PARN: variants seen among roughly 807,000 people sequenced by gnomAD.
The protein encoded by PARN is poly(A)-specific ribonuclease PARN.
PARN carries 71 observed loss-of-function variants against 102.8 expected under a neutral mutation model. That is an observed-to-expected ratio of 0.69 (90% CI 0.57 to 0.84). The LOEUF (loss-of-function observed/expected upper bound fraction) is 0.84. Among genes scored for constraint, PARN ranks in the 40% least tolerant of loss-of-function variants. The pLI is 0.00. For missense variants in PARN, 782 were observed against 760.9 expected (o/e 1.03, Z -0.33); for synonymous variants, 261 against 252.9 (o/e 1.03, Z -0.30).
At chr16:14,583,824 G>C (rs894363986) in intron 16 of PARN, among the ~76,000 whole-genome samples, 2 of 152,098 alleles carry the variant, frequency 1.3e-5, no homozygotes, top group Non-Finnish European at 2.9e-5. Context: ...GGTGGCCCGA[G>C]GTGGCAAAAC....
chr16:14,444,553 G>C (rs994343437), intron 23 of PARN, among the ~76,000 whole-genome samples: 1 of 152,064 alleles, frequency 6.6e-6, no homozygotes, highest in African/African-American at 2.4e-5. Flanking sequence ...ATATTTTTCA[G>C]ATTATGCTGA....
chr16:14,478,101 A>T (rs930190168), intron 22 of PARN, among the ~76,000 whole-genome samples: 4 of 152,124 alleles, frequency 2.6e-5, no homozygotes, highest in Non-Finnish European at 4.4e-5. Flanking sequence ...GGATCTCTTG[A>T]GGTCAAAGGT....
intron 22 of PARN, among the ~76,000 whole-genome samples, chr16:14,448,915 TG>T (rs920870653): frequency 6.6e-6 from 1 of 152,134 alleles, no homozygotes; most frequent in African/African-American, 2.4e-5. Flanking sequence ...GTTTCGGCAG[TG>T]GGGGGTGGCT....
At position 14,447,339 on chromosome 16, in the gene PARN, G is replaced by A. The variant is rs113732329; in HGVS notation, c.1671-258C>T. On this transcript the variant is annotated intron_variant, in intron 22 of 23. Coordinates refer to ENST00000437198, the MANE Select transcript of PARN (RefSeq NM_002582.4). ...TACACAAATTTAAGCTGATCCGAGT[G>A]CTCAAGAACAAATCCGTAAAGTAGC... is the stretch of plus-strand genomic sequence containing the variant. 8.0e-3 allele frequency among the ~76,000 whole-genome samples: 1,223 copies of A among 152,302 alleles called. 10 individuals carry two copies. The highest frequency in any genetic ancestry group is 0.013 in the Non-Finnish European group (893 of 68,010).
chr16:14,591,390 T>TAAA (rs11352789), intron 13 of PARN, among the ~76,000 whole-genome samples: 1 of 139,068 alleles, frequency 7.2e-6, no homozygotes, highest in East Asian at 2.1e-4. Context: ...ACTCCATCTC[T>TAAA]AAAAAAAAAA....
chr16:14,592,900 G>A (rs1970278988), intron 13 of PARN, among the ~76,000 whole-genome samples: 3 of 152,210 alleles, frequency 2.0e-5, no homozygotes. Flanking sequence ...CACTATGGGA[G>A]GCTAAGGCAG....
chr16:14,554,092 C>T lies in PARN; in HGVS notation c.1378G>A (p.Asp460Asn), dbSNP rs747006604. The part of the protein sequence containing the change: ...VTFPKEWKTS[D>N]LYQLFSAFGN... ...AAGGCACTGAAAAGCTGGTAAAGGT[C>T]GCTGGTTTTCCATTCTTTGGGGAAT... Residue 460 changes from aspartate to asparagine, a missense_variant, in exon 20 of 24, where the codon GAC becomes AAC. Transcript: ENST00000437198. 10 of 1,612,902 alleles carry T rather than the reference C, an allele frequency of 6.2e-6. No homozygotes were observed. In the South Asian group the frequency reaches 8.8e-5, roughly 14 times the overall value.
chr16:14,440,830 A>G (rs1960910380), intron 23 of PARN, among the ~76,000 whole-genome samples: 2 of 152,320 alleles, frequency 1.3e-5, no homozygotes, highest in African/African-American at 2.4e-5. Flanking sequence ...AAGAAGACCA[A>G]TGGCTGCTGG....
At chr16:14,448,267 G>T (rs1163052402) in intron 22 of PARN, among the ~76,000 whole-genome samples, 1 of 152,148 alleles carries the variant, frequency 6.6e-6, no homozygotes, top group Non-Finnish European at 1.5e-5. Flanking sequence ...TCCTGCCTCA[G>T]CCTCCTGAGT....
intron 21 of PARN, among the ~76,000 whole-genome samples, chr16:14,498,380 T>G (rs959020867): frequency 3.9e-5 from 6 of 152,120 alleles, no homozygotes; most frequent in Admixed American, 6.5e-5. Context: ...GACAATTTTG[T>G]CTCTGGTTCC....
At chr16:14,616,447 T>C (rs117074194) in intron 6 of PARN, among the ~76,000 whole-genome samples, 2,296 of 152,306 alleles carry the variant, frequency 0.015, 25 homozygotes, top group Non-Finnish European at 0.026. Context: ...CTCCAACTAC[T>C]AAAAAAGCAA....
intron 22 of PARN, among the ~76,000 whole-genome samples, chr16:14,466,363 C>T (rs1057338453): frequency 6.6e-6 from 1 of 152,068 alleles, no homozygotes; most frequent in Non-Finnish European, 1.5e-5. Flanking sequence ...AAGGGCTTCA[C>T]AAAGATTCAC....
chr16:14,512,799 T>C (rs1209716179), intron 21 of PARN, among the ~76,000 whole-genome samples: 1 of 152,228 alleles, frequency 6.6e-6, no homozygotes, highest in East Asian at 1.9e-4. Flanking sequence ...ATTTGACCGT[T>C]CAGGTAAAAT....
chr16:14,590,634 CAAAAAA>C (rs966183881), intron 13 of PARN, among the ~76,000 whole-genome samples: 2 of 63,536 alleles, frequency 3.1e-5, no homozygotes, highest in Non-Finnish European at 6.4e-5. Flanking sequence ...GATTCAGTCT[CAAAAAA>C]AAAAAAAAAA....
intron 22 of PARN, among the ~76,000 whole-genome samples, chr16:14,452,760 G>GT (rs1249905303): frequency 1.3e-5 from 2 of 152,190 alleles, no homozygotes; most frequent in African/African-American, 4.8e-5. Flanking sequence ...TGTGGAATTA[G>GT]TTTATTTCAT....
rs541255358 is a variant in PARN, at chr16:14,630,070, G to A, written c.19+37C>T. 4.1e-5 allele frequency: 63 copies of A among 1,540,950 alleles called. No homozygotes were observed. In the South Asian group the frequency reaches 6.7e-4, roughly 16 times the overall value. On this transcript the variant is annotated intron_variant, in intron 1 of 23. Coordinates refer to ENST00000437198, the MANE Select transcript of PARN (RefSeq NM_002582.4). ...GGCCTAGCAGGCCAGGGGCAGCCGG[G>A]TGTGGGGAGGCGGGGAGGTGTACGG... is the stretch of plus-strand genomic sequence containing the variant.
At chr16:14,585,797 G>A (rs540565562) in intron 14 of PARN, among the ~76,000 whole-genome samples, 4 of 152,154 alleles carry the variant, frequency 2.6e-5, no homozygotes, top group East Asian at 1.9e-4. Context: ...AAAAGGAGTC[G>A]TTGGTCTACT....
chr16:14,510,589 T>C (rs1965135890), intron 21 of PARN, among the ~76,000 whole-genome samples: 1 of 152,172 alleles, frequency 6.6e-6, no homozygotes, highest in African/African-American at 2.4e-5. Flanking sequence ...AGAAAATAAT[T>C]ACTTAGTTAA....
At chr16:14,500,810 T>C (rs991607369) in intron 21 of PARN, among the ~76,000 whole-genome samples, 1 of 152,156 alleles carries the variant, frequency 6.6e-6, no homozygotes, top group Admixed American at 6.5e-5. Flanking sequence ...AAACCCCATT[T>C]TTCCAGTGAG....
Sources: allele counts gnomAD v4.1 joint callset (sites outside exome capture counted in the v4.1 genomes callset), GRCh38; gene constraint gnomAD v4.1.1; transcripts MANE v1.5; gene names NCBI Gene and HGNC (gene_info 2026-07-23, HGNC 2026-07-21).